GSG1L: variants seen among roughly 807,000 people sequenced by gnomAD.
GSG1L encodes the protein GSG1 like.
GSG1L carries 24 observed loss-of-function variants against 42.1 expected under a neutral mutation model. The observed-to-expected ratio is 0.57, with a 90% CI of 0.41 to 0.80. GSG1L has a LOEUF of 0.80. Among genes scored for constraint, GSG1L ranks in the 30% least tolerant of loss-of-function variants. GSG1L has a pLI of 0.00. For missense variants in GSG1L, 445 were observed against 472.2 expected (o/e 0.94, Z 0.53); for synonymous variants, 215 against 203.5 (o/e 1.06, Z -0.48).
intron 2 of GSG1L, among the ~76,000 whole-genome samples, chr16:27,918,611 A>G (rs1352501223): frequency 6.6e-6 from 1 of 151,796 alleles, no homozygotes; most frequent in Non-Finnish European, 1.5e-5. Flanking sequence ...GTGAGCCAAG[A>G]TCATGCCATT....
At chr16:27,795,261 A>T (rs1399166389) in intron 6 of GSG1L, among the ~76,000 whole-genome samples, 1 of 151,950 alleles carries the variant, frequency 6.6e-6, no homozygotes, top group Non-Finnish European at 1.5e-5. Context: ...CACCTGCTCT[A>T]CCTGCTCTGA....
intron 1 of GSG1L, among the ~76,000 whole-genome samples, chr16:28,060,855 T>A (rs909387697): frequency 2.6e-5 from 4 of 152,244 alleles, no homozygotes; most frequent in African/African-American, 9.6e-5. Context: ...CATTGTTTTT[T>A]AAATAATTTT....
At chr16:27,888,537 TTC>T (rs1491348990) in intron 2 of GSG1L, among the ~76,000 whole-genome samples, 1 of 30,154 alleles carries the variant, frequency 3.3e-5, no homozygotes, top group Non-Finnish European at 7.7e-5. Flanking sequence ...CTTTCTTTCT[TTC>T]TTTCTTTCTT....
At chr16:28,014,307 C>T (rs992379081) in intron 1 of GSG1L, among the ~76,000 whole-genome samples, 9 of 152,142 alleles carry the variant, frequency 5.9e-5, no homozygotes, top group Non-Finnish European at 1.2e-4. Context: ...TTGAAGAGCA[C>T]GAGGCAGATC....
intron 6 of GSG1L, among the ~76,000 whole-genome samples, chr16:27,793,819 G>A (rs2082786870): frequency 6.6e-6 from 1 of 152,160 alleles, no homozygotes; most frequent in Non-Finnish European, 1.5e-5. Flanking sequence ...ATACAGAGGA[G>A]AACACTCCAG....
intron 3 of GSG1L, among the ~76,000 whole-genome samples, chr16:27,852,856 G>A (rs72782162): frequency 2.2e-4 from 33 of 152,260 alleles, no homozygotes; most frequent in African/African-American, 5.1e-4. Flanking sequence ...AGTCCTCCCC[G>A]CAGGTGAGGA....
chr16:28,044,711 C>T (rs2086143640), intron 1 of GSG1L, among the ~76,000 whole-genome samples: 1 of 151,806 alleles, frequency 6.6e-6, no homozygotes, highest in Non-Finnish European at 1.5e-5. Context: ...GCAACCTCCG[C>T]CTCTGAGGTT....
chr16:27,888,304 G>C (rs1596587399), intron 2 of GSG1L: 1 of 173,552 alleles, frequency 5.8e-6, no homozygotes, highest in Non-Finnish European at 1.1e-5. Flanking sequence ...AGAGCTTGGA[G>C]GTGGGGATGC....
In GSG1L at chr16:28,049,026, G is replaced by T. The variant is rs58100133; in HGVS notation, c.349+14050C>A. On this transcript the variant is annotated intron_variant, in intron 1 of 6. Transcript: ENST00000447459. Reference sequence around the variant, plus strand: ...AATCAGGCCTGGGGCCTGAGGATGCGCAGTCTCAGTACAGATCCTGTGTAA... The same window carrying T: ...AATCAGGCCTGGGGCCTGAGGATGCTCAGTCTCAGTACAGATCCTGTGTAA... 8.6e-3 allele frequency among the ~76,000 whole-genome samples: 1,309 copies of T among 152,278 alleles called. 16 individuals carry two copies. The highest frequency in any genetic ancestry group is 0.03 in the African/African-American group (1,245 of 41,552).
At chr16:27,999,404 A>G (rs2085556593) in intron 1 of GSG1L, among the ~76,000 whole-genome samples, 1 of 152,170 alleles carries the variant, frequency 6.6e-6, no homozygotes, top group African/African-American at 2.4e-5. Context: ...TGCAACAACA[A>G]TAATAATAAT....
chr16:27,997,721 G>A (rs1388959686), intron 1 of GSG1L, among the ~76,000 whole-genome samples: 3 of 151,802 alleles, frequency 2.0e-5, no homozygotes, highest in Non-Finnish European at 4.4e-5. Context: ...TGCTTTAGGG[G>A]TACAAGTGGT....
intron 1 of GSG1L, among the ~76,000 whole-genome samples, chr16:27,987,962 A>AAAAAAAAAC: frequency 6.6e-6 from 1 of 151,608 alleles, no homozygotes; most frequent in Non-Finnish European, 1.5e-5. Flanking sequence ...AAAAAAAAAA[A>AAAAAAAAAC]AAAAACCGGA....
chr16:28,010,829 CG>C (rs1427521949), intron 1 of GSG1L, among the ~76,000 whole-genome samples: 13 of 152,166 alleles, frequency 8.5e-5, no homozygotes, highest in African/African-American at 2.9e-4. Flanking sequence ...TCCCACAGGA[CG>C]GTGATTGCAA....
intron 1 of GSG1L, among the ~76,000 whole-genome samples, chr16:27,972,648 C>A (rs1404844933): frequency 2.0e-5 from 3 of 152,172 alleles, no homozygotes; most frequent in Non-Finnish European, 4.4e-5. Flanking sequence ...GGCAGCATAC[C>A]TTTGGTGAAC....
intron 2 of GSG1L, among the ~76,000 whole-genome samples, chr16:27,891,882 A>ATTTTTTTTT (rs1224468785): frequency 2.0e-5 from 1 of 50,508 alleles, no homozygotes; most frequent in Non-Finnish European, 5.0e-5. Context: ...TCAGTGACAG[A>ATTTTTTTTT]TCTTTTTTTT....
Position 27,828,795 on chromosome 16 carries a change from C to T in GSG1L, c.824G>A (p.Arg275Gln), listed in dbSNP as rs376358621. ...TAACCCCCTGTGCACTGACCTCTCC[C>T]GGAAGTACTTGATGGCCTCAGGGTC... Reference protein sequence around the residue: ...FIDPEAIKYFRERMEKRDGSE... With the variant: ...FIDPEAIKYFQERMEKRDGSE... Residue 275 changes from arginine (R) to glutamine (Q), a missense_variant, in exon 5 of 7, where the codon CGG becomes CAG. This residue lies in a region of GSG1L where 140 missense variants were observed against 120.6 expected (regional missense o/e 1.16). Transcript: ENST00000447459. 58 of 1,613,696 alleles carry T rather than the reference C, an allele frequency of 3.6e-5. No individual in the cohort carries two copies. Among genetic ancestry groups the T allele is most frequent in the Admixed American group, 6.7e-5 (4 of 59,982 alleles).
At chr16:27,940,335 C>T (rs2141082194) in intron 2 of GSG1L, among the ~76,000 whole-genome samples, 1 of 148,022 alleles carries the variant, frequency 6.8e-6, no homozygotes, top group East Asian at 2.0e-4. Context: ...CCATTTGACC[C>T]AGCCATCCCA....
At chr16:28,007,349 G>A (rs953883755) in intron 1 of GSG1L, among the ~76,000 whole-genome samples, 5 of 152,096 alleles carry the variant, frequency 3.3e-5, no homozygotes, top group African/African-American at 7.2e-5. Flanking sequence ...GAGTATAACC[G>A]GCATCTAGAG....
chr16:27,798,229 T>C (rs2082843149), intron 6 of GSG1L, among the ~76,000 whole-genome samples: 1 of 152,002 alleles, frequency 6.6e-6, no homozygotes, highest in South Asian at 2.1e-4. Context: ...ATTATAAAAA[T>C]TTGGCTCACA....
Sources: allele counts gnomAD v4.1 joint callset (sites outside exome capture counted in the v4.1 genomes callset), GRCh38; gene constraint gnomAD v4.1.1; regional missense constraint gnomAD v4.1.1; transcripts MANE v1.5; gene names NCBI Gene and HGNC (gene_info 2026-07-23, HGNC 2026-07-21).